Variants in HSD17B2 observed in about 807,000 individuals in gnomAD.
HSD17B2 encodes the protein hydroxysteroid 17-beta dehydrogenase 2.
HSD17B2 carries 32 observed loss-of-function variants against 26.9 expected under a neutral mutation model. The observed-to-expected ratio is 1.19, with a 90% CI of 0.90 to 1.60. The LOEUF is 1.60. Ranked by LOEUF, HSD17B2 falls within the 40% of genes most tolerant of loss-of-function variation. The pLI is 0.00. For missense variants in HSD17B2, 613 were observed against 468.6 expected, an observed-to-expected ratio of 1.31 and a Z score of -2.85; for synonymous variants, 246 against 186.7, an observed-to-expected ratio of 1.32 and a Z score of -2.59.
rs553201739 is a variant in HSD17B2 at position 82,041,279 on chromosome 16, T to C, written c.265+5590T>C. Among the ~76,000 whole-genome samples the C allele has an allele frequency of 2.0e-5, 3 of 152,332 alleles. No individual in the cohort carries two copies. The East Asian group carries it at 5.8e-4, about 29-fold the overall frequency. ...GAATGCACAGTGAGTGAACCAACCA[T>C]GTGGGTGAAACGTCCTCTCCTTTTC... is the stretch of plus-strand genomic sequence containing the variant. On this transcript the variant is annotated intron_variant, in intron 1 of 4. Transcript: ENST00000199936.
intron 3 of HSD17B2, among the ~76,000 whole-genome samples, chr16:82,087,008 A>G (rs1296181018): frequency 6.6e-6 from 1 of 152,210 alleles, no homozygotes; most frequent in Non-Finnish European, 1.5e-5. Flanking sequence ...CAAGGGCCTC[A>G]TCTTTCTGAT....
chr16:82,057,217 TGA>T (rs1914296254), intron 1 of HSD17B2, among the ~76,000 whole-genome samples: 1 of 151,508 alleles, frequency 6.6e-6, no homozygotes, highest in Non-Finnish European at 1.5e-5. Context: ...TTTTTTTTTT[TGA>T]GAGAGAGTCC....
chr16:82,089,194 C>T (rs1417719924), intron 3 of HSD17B2, among the ~76,000 whole-genome samples: 2 of 152,182 alleles, frequency 1.3e-5, no homozygotes, highest in Non-Finnish European at 2.9e-5. Flanking sequence ...ATTTGTTGAA[C>T]TTTACATGAA....
At chr16:82,079,534 A>G (rs1217696194) in intron 3 of HSD17B2, among the ~76,000 whole-genome samples, 1 of 152,154 alleles carries the variant, frequency 6.6e-6, no homozygotes, top group African/African-American at 2.4e-5. Context: ...TAAAGGTTCT[A>G]TCTTCAAATG....
At chr16:82,077,656 G>T (rs1489010978) in intron 3 of HSD17B2, among the ~76,000 whole-genome samples, 1 of 152,046 alleles carries the variant, frequency 6.6e-6, no homozygotes, top group African/African-American at 2.4e-5. Flanking sequence ...CTTGAGCTCA[G>T]GGAGATAGAG....
At chr16:82,075,201 C>T (rs1183267922) in intron 3 of HSD17B2, among the ~76,000 whole-genome samples, 2 of 151,824 alleles carry the variant, frequency 1.3e-5, no homozygotes, top group Non-Finnish European at 2.9e-5. Context: ...GAAAGTAGTA[C>T]TAAGAGGGAA....
chr16:82,069,920 A>G (rs1369176230), intron 2 of HSD17B2, among the ~76,000 whole-genome samples: 7 of 152,170 alleles, frequency 4.6e-5, no homozygotes, highest in Admixed American at 4.6e-4. Context: ...CAATTAAATC[A>G]GTCTCTAGGA....
intron 1 of HSD17B2, among the ~76,000 whole-genome samples, chr16:82,056,243 T>G (rs1168290751): frequency 1.3e-5 from 2 of 152,210 alleles, no homozygotes; most frequent in Non-Finnish European, 2.9e-5. Context: ...AAAAGGGACC[T>G]TGGGATAGTG....
chr16:82,089,877 C>A (rs959319430), intron 3 of HSD17B2, among the ~76,000 whole-genome samples: 5 of 152,162 alleles, frequency 3.3e-5, no homozygotes, highest in African/African-American at 1.2e-4. Flanking sequence ...ATCCTTGCCT[C>A]AGTGACATCT....
intron 3 of HSD17B2, among the ~76,000 whole-genome samples, chr16:82,085,764 G>C (rs1904510346): frequency 6.6e-6 from 1 of 152,038 alleles, no homozygotes. Context: ...TCTATAACTA[G>C]TTCCTGAGTG....
intron 1 of HSD17B2, chr16:82,063,271 GAC>G (rs1198353640): frequency 2.0e-5 from 3 of 152,130 alleles, no homozygotes; most frequent in Non-Finnish European, 2.9e-5. Flanking sequence ...TTAAAATAAA[GAC>G]ACAGTTTTAT....
At chr16:82,045,887 G>A (rs1043894597) in intron 1 of HSD17B2, among the ~76,000 whole-genome samples, 5 of 152,216 alleles carry the variant, frequency 3.3e-5, no homozygotes, top group African/African-American at 1.2e-4. Flanking sequence ...ATTCTTCTCA[G>A]TCCTGATAAT....
At chr16:82,089,292 A>G (rs151056252) in intron 3 of HSD17B2, among the ~76,000 whole-genome samples, 23 of 152,326 alleles carry the variant, frequency 1.5e-4, no homozygotes, top group Admixed American at 8.5e-4. Flanking sequence ...TGTTACATGT[A>G]TCAAGTTCAT....
intron 4 of HSD17B2, chr16:82,093,496 T>C (rs528861204): frequency 6.6e-6 from 1 of 152,374 alleles, no homozygotes; most frequent in South Asian, 2.1e-4. Context: ...TTTCTACTGT[T>C]GATGGGATGT....
chr16:82,050,420 C>G (rs1250458464), intron 1 of HSD17B2, among the ~76,000 whole-genome samples: 1 of 152,126 alleles, frequency 6.6e-6, no homozygotes, highest in African/African-American at 2.4e-5. Flanking sequence ...CGTCACCTCC[C>G]CTGCTTCTGA....
At chr16:82,065,334 C>G (rs937967095) in intron 1 of HSD17B2, among the ~76,000 whole-genome samples, 1 of 152,152 alleles carries the variant, frequency 6.6e-6, no homozygotes, top group Non-Finnish European at 1.5e-5. Context: ...AGCAGATACC[C>G]TGATTGACTG....
intron 1 of HSD17B2, among the ~76,000 whole-genome samples, chr16:82,041,757 G>A (rs1913771845): frequency 1.3e-5 from 2 of 152,094 alleles, no homozygotes; most frequent in Non-Finnish European, 2.9e-5. Context: ...CTCTGACTCT[G>A]TCTTTACTCC....
chr16:82,076,313 T>C (rs1483818469), intron 3 of HSD17B2, among the ~76,000 whole-genome samples: 1 of 152,198 alleles, frequency 6.6e-6, no homozygotes, highest in Admixed American at 6.5e-5. Flanking sequence ...AATCCTTTCC[T>C]CTAAGATCTA....
intron 4 of HSD17B2, chr16:82,093,515 C>T (rs964029844): frequency 3.9e-5 from 6 of 152,176 alleles, no homozygotes; most frequent in African/African-American, 1.4e-4. Flanking sequence ...GTTTGAGTCC[C>T]TTCTAGTTTG....
Sources: allele counts gnomAD v4.1 joint callset (sites outside exome capture counted in the v4.1 genomes callset), GRCh38; gene constraint gnomAD v4.1.1; transcripts MANE v1.5; gene names NCBI Gene and HGNC (gene_info 2026-07-23, HGNC 2026-07-21).